OR56A3: variants seen among roughly 807,000 people sequenced by gnomAD.
OR56A3 encodes olfactory receptor family 56 subfamily A member 3.
OR56A3 carries 23 observed loss-of-function variants against 17.5 expected under a neutral mutation model. The observed-to-expected ratio is 1.32, with a 90% CI of 0.95 to 1.87. The LOEUF is 1.87. OR56A3 is among the 40% of genes most tolerant of loss of function. OR56A3 has a pLI of 0.00. For synonymous variants in OR56A3, 175 were observed against 150.6 expected (o/e 1.16, Z -1.19); for missense variants, 366 against 380.1 (o/e 0.96, Z 0.31).
At chr11:6,020,579 T>C in the OR56A3 span, 2 of 152,144 alleles carry the variant, frequency 1.3e-5, no homozygotes, top group Non-Finnish European at 2.9e-5. Flanking sequence ...CAGCTGTGAA[T>C]GGGATTGCCT....
chr11:5,994,472 C>A, the OR56A3 span: 2,582 of 751,340 alleles, frequency 3.4e-3, 38 homozygotes, highest in African/African-American at 0.035. Flanking sequence ...CATGGTCAAC[C>A]CAGAGCTGGC....
the OR56A3 span, among the ~76,000 whole-genome samples, chr11:5,974,662 G>A: frequency 1.3e-5 from 2 of 152,212 alleles, no homozygotes; most frequent in African/African-American, 4.8e-5. Context: ...CGACAGGCAG[G>A]TGGAGGACAA....
the OR56A3 span, chr11:6,017,195 G>A: frequency 1.6e-4 from 24 of 152,220 alleles, no homozygotes; most frequent in African/African-American, 5.8e-4. Flanking sequence ...AATTTTAGGT[G>A]TTCTAGAAAG....
At chr11:5,972,133 TAA>T in the OR56A3 span, among the ~76,000 whole-genome samples, 3 of 152,220 alleles carry the variant, frequency 2.0e-5, no homozygotes, top group African/African-American at 7.2e-5. Context: ...TGTGTCATAA[TAA>T]ACTCAAAATG....
chr11:5,974,123 T>C, the OR56A3 span, among the ~76,000 whole-genome samples: 3 of 151,720 alleles, frequency 2.0e-5, no homozygotes, highest in Non-Finnish European at 4.4e-5. Flanking sequence ...TTTTTTTTTT[T>C]CGAGATGGAG....
the OR56A3 span, chr11:5,986,449 C>T: frequency 4.2e-3 from 6,837 of 1,613,868 alleles, 177 homozygotes; most frequent in African/African-American, 0.066. Flanking sequence ...CATTCCGATG[C>T]GCCCTATGAC....
At chr11:5,971,443 A>G in the OR56A3 span, among the ~76,000 whole-genome samples, 1 of 152,110 alleles carries the variant, frequency 6.6e-6, no homozygotes, top group Admixed American at 6.5e-5. Flanking sequence ...GTGCTTTACA[A>G]TTCCCAGACT....
chr11:5,957,750 T>C, the OR56A3 span, among the ~76,000 whole-genome samples: 1 of 152,210 alleles, frequency 6.6e-6, no homozygotes, highest in South Asian at 2.1e-4. Context: ...TAAAGATTTT[T>C]AAAACTTTTT....
chr11:5,952,287 T>C (rs1590448273), downstream of OR56A3, among the ~76,000 whole-genome samples: 1 of 152,172 alleles, frequency 6.6e-6, no homozygotes, highest in Non-Finnish European at 1.5e-5. Context: ...GTGGAAGGTG[T>C]AGGAAGAATA....
the OR56A3 span, chr11:6,000,875 A>G: frequency 6.6e-6 from 1 of 152,246 alleles, no homozygotes; most frequent in East Asian, 1.9e-4. Flanking sequence ...TAAACATTTT[A>G]AACACTGTAG....
chr11:5,986,133 G>A, the OR56A3 span: 1 of 1,613,954 alleles, frequency 6.2e-7, no homozygotes, highest in Non-Finnish European at 8.5e-7. Context: ...AGAAGACCAG[G>A]ATGACACAAA....
chr11:5,960,974 G>A, the OR56A3 span, among the ~76,000 whole-genome samples: 5 of 151,454 alleles, frequency 3.3e-5, no homozygotes, highest in Admixed American at 3.3e-4. Context: ...GGGAGGTGAG[G>A]AGCGTCTCTG....
chr11:6,004,347 C>T, the OR56A3 span, among the ~76,000 whole-genome samples: 1 of 151,798 alleles, frequency 6.6e-6, no homozygotes, highest in African/African-American at 2.4e-5. Context: ...AATGAGACTC[C>T]ATCTCAGAAA....
chr11:6,007,218 A>G, the OR56A3 span, among the ~76,000 whole-genome samples: 3 of 152,250 alleles, frequency 2.0e-5, no homozygotes, highest in Admixed American at 2.0e-4. Context: ...AAAGAAAAAT[A>G]TTGCATAATT....
chr11:5,988,086 G>A, the OR56A3 span, among the ~76,000 whole-genome samples: 1 of 152,098 alleles, frequency 6.6e-6, no homozygotes, highest in African/African-American at 2.4e-5. Context: ...CATTCTTGGA[G>A]TTACATGTAC....
the OR56A3 span, among the ~76,000 whole-genome samples, chr11:6,013,705 C>T: frequency 6.6e-6 from 1 of 152,124 alleles, no homozygotes; most frequent in Non-Finnish European, 1.5e-5. Context: ...TGCCCAAGCA[C>T]ACATCTGGGG....
chr11:5,945,098 T>C lies in OR56A3; in HGVS notation c.-37+16T>C, dbSNP rs1847860881. 1 of 152,204 alleles carries C rather than the reference T, an allele frequency of 6.6e-6. No homozygotes were observed. The highest frequency in any genetic ancestry group is 6.5e-5 in the Admixed American group (1 of 15,280). The allele number at this position is 152,204 out of a possible 1,614,324, so 9.4% of individuals were successfully genotyped here. On this transcript the variant is annotated intron_variant, in intron 2 of 2. Coordinates refer to ENST00000641160, the MANE Select transcript of OR56A3 (RefSeq NM_001003443.3). ...CTTCCAAAAAGTATGTTTCCATCAG[T>C]AGGAAAATATCATACAGTTTGGAGT...
chr11:6,010,552 G>A, the OR56A3 span, among the ~76,000 whole-genome samples: 3 of 152,154 alleles, frequency 2.0e-5, no homozygotes, highest in Non-Finnish European at 2.9e-5. Context: ...CATCTTAAAA[G>A]CAGAGACCAG....
chr11:5,978,198 G>A, the OR56A3 span, among the ~76,000 whole-genome samples: 3 of 151,994 alleles, frequency 2.0e-5, no homozygotes, highest in African/African-American at 7.3e-5. Flanking sequence ...GTTCTTTTTG[G>A]TTCTATATGA....
Sources: allele counts gnomAD v4.1 joint callset (sites outside exome capture counted in the v4.1 genomes callset), GRCh38; gene constraint gnomAD v4.1.1; transcripts MANE v1.5; gene names NCBI Gene and HGNC (gene_info 2026-07-23, HGNC 2026-07-21).